Variants in TSTD2 observed in about 807,000 individuals in gnomAD.
TSTD2 encodes the protein thiosulfate sulfurtransferase/rhodanese-like domain-containing protein 2.
A neutral mutation model predicts 47.9 loss-of-function variants in TSTD2; 37 were observed. The observed-to-expected ratio is 0.77, with a 90% CI of 0.59 to 1.02. The LOEUF is 1.02. Among genes scored for constraint, TSTD2 ranks in the 50% least tolerant of loss-of-function variants. The pLI is 0.00. For missense variants in TSTD2, 586 were observed against 616.0 expected (o/e 0.95, Z 0.52); for synonymous variants, 201 against 215.9 (o/e 0.93, Z 0.61).
intron 1 of TSTD2, among the ~76,000 whole-genome samples, chr9:97,631,572 AAAT>A (rs1826812939): frequency 6.6e-6 from 1 of 152,232 alleles, no homozygotes; most frequent in African/African-American, 2.4e-5. Flanking sequence ...ACTATTAAAA[AAAT>A]AAGTCAGACT....
intron 2 of TSTD2, among the ~76,000 whole-genome samples, chr9:97,626,948 T>A (rs1053505597): frequency 6.6e-6 from 1 of 152,136 alleles, no homozygotes; most frequent in African/African-American, 2.4e-5. Flanking sequence ...TATTTTTGAT[T>A]AGTAGTAATG....
At chr9:97,611,442 G>T in intron 5 of TSTD2, 132 bp downstream of exon 5, 2 of 1,092,492 alleles carry the variant, frequency 1.8e-6, no homozygotes, top group Non-Finnish European at 2.5e-6. Flanking sequence ...AACTCCCCAA[G>T]CCCCAAAAAA....
At chr9:97,603,282 C>T (rs934326231) in intron 9 of TSTD2, 1 of 158,574 alleles carries the variant, frequency 6.3e-6, no homozygotes, top group African/African-American at 2.4e-5. Flanking sequence ...AAAACTCACA[C>T]CATCTTCTTC....
In TSTD2 at chr9:97,600,551, T is replaced by C. The variant is rs895593244; in HGVS notation, c.*1918A>G. 5 of 985,772 alleles carry C rather than the reference T, an allele frequency of 5.1e-6. No individual in the cohort carries two copies. The highest frequency in any genetic ancestry group is 2.3e-4 in the East Asian group (2 of 8,824). 61.1% of individuals were successfully genotyped at this position (985,772 alleles called of 1,614,324 possible). On this transcript the variant is annotated 3_prime_UTR_variant, in exon 10 of 10. Transcript: ENST00000341170. Reference sequence around the variant, plus strand: ...TATATTGCACAGTGGGCAAATGGCTTATGTGAGGTAAGACACTAGAGGGAT... The same window carrying C: ...TATATTGCACAGTGGGCAAATGGCTCATGTGAGGTAAGACACTAGAGGGAT...
At chr9:97,615,380 C>T (rs1242737844) in intron 4 of TSTD2, among the ~76,000 whole-genome samples, 1 of 152,188 alleles carries the variant, frequency 6.6e-6, no homozygotes, top group African/African-American at 2.4e-5. Context: ...AGTAACTTGC[C>T]CAGTGGTATA....
chr9:97,607,285 G>A (rs1294334919), intron 6 of TSTD2, among the ~76,000 whole-genome samples: 1 of 152,190 alleles, frequency 6.6e-6, no homozygotes, highest in South Asian at 2.1e-4. Flanking sequence ...AATCTCAGTA[G>A]ATTGTGAGGA....
intron 1 of TSTD2, among the ~76,000 whole-genome samples, chr9:97,627,831 CT>C (rs1272763231): frequency 6.6e-6 from 1 of 152,188 alleles, no homozygotes; most frequent in African/African-American, 2.4e-5. Flanking sequence ...AAGTTTCTGC[CT>C]GCTTAGAGTT....
At chr9:97,619,030 G>A (rs1382800022) in intron 3 of TSTD2, among the ~76,000 whole-genome samples, 1 of 152,212 alleles carries the variant, frequency 6.6e-6, no homozygotes, top group Non-Finnish European at 1.5e-5. Context: ...GAAGTGTGGG[G>A]CCATATGAAA....
chr9:97,631,780 G>A (rs1193528272), intron 1 of TSTD2, among the ~76,000 whole-genome samples: 2 of 152,014 alleles, frequency 1.3e-5, no homozygotes, highest in Admixed American at 6.6e-5. Context: ...AAAGGCAGAG[G>A]TTACAACGAG....
At chr9:97,610,539 T>C (rs1477949554) in intron 5 of TSTD2, 88 bp from the exon 6 acceptor site, 1 of 986,436 alleles carries the variant, frequency 1.0e-6, no homozygotes, top group Non-Finnish European at 1.4e-6. Context: ...GATGGTCTGT[T>C]TTGTAATAAC....
In TSTD2 at chr9:97,601,631, A is replaced by AT. The variant is rs1826262720; in HGVS notation, c.*837dup. On this transcript the variant is annotated 3_prime_UTR_variant, in exon 10 of 10. Transcript: ENST00000341170. Reference sequence around the variant, plus strand: ...TTCTGTAAAAGGCCAGACAGTAAAAATTTCCGATTTTGCAGGCCACATAGT... The same window carrying AT: ...TTCTGTAAAAGGCCAGACAGTAAAAATTTTCCGATTTTGCAGGCCACATAGT... 6.1e-6 allele frequency: 6 copies of AT among 983,754 alleles called. No homozygotes were observed. The South Asian group carries it at 1.9e-4, about 31-fold the overall frequency. The allele number at this position is 983,754 out of a possible 1,614,324, so 60.9% of individuals were successfully genotyped here. A position where few individuals can be genotyped will look rare whatever the true frequency, so the allele number is the denominator to read the frequency against.
chr9:97,632,796 G>T (rs935689595), intron 1 of TSTD2, among the ~76,000 whole-genome samples: 3 of 152,180 alleles, frequency 2.0e-5, no homozygotes, highest in Non-Finnish European at 2.9e-5. Context: ...AGGGAAAAGA[G>T]CTAAGAAAGA....
rs1826288103 is a variant in TSTD2, at chr9:97,602,771, G to A, written c.1253-4C>T. 6.3e-7 allele frequency: 1 copy of A among 1,597,080 alleles called. No individual in the cohort carries two copies. The highest frequency in any genetic ancestry group is 8.5e-7 in the Non-Finnish European group (1 of 1,169,834). ...CGGGCTCCACAGTATGAACACTCTGGGGAGGAAGGAAAAGCCATCATTATA... is the reference window on the plus strand; with the variant it reads ...CGGGCTCCACAGTATGAACACTCTGAGGAGGAAGGAAAAGCCATCATTATA... On this transcript the variant is annotated splice_region_variant and splice_polypyrimidine_tract_variant and intron_variant, in intron 9 of 9. Transcript: ENST00000341170.
At chr9:97,620,957 G>T (rs547630884) in intron 3 of TSTD2, among the ~76,000 whole-genome samples, 3 of 152,316 alleles carry the variant, frequency 2.0e-5, no homozygotes, top group East Asian at 1.9e-4. Context: ...CATGAGTAAT[G>T]TGGAGCCAAA....
Position 97,600,427 on chromosome 9 carries a change from G to A in TSTD2, c.*2042C>T. On this transcript the variant is annotated 3_prime_UTR_variant, in exon 10 of 10. Coordinates refer to ENST00000341170, the MANE Select transcript of TSTD2 (RefSeq NM_139246.5). ...TTCTTTAAGAACATTTGGGATTTAT[G>A]TACAATTTAATACTGGAGTTAGAAC... The A allele has an allele frequency of 2.0e-6, 2 of 985,746 alleles. No individual in the cohort carries two copies. The highest frequency in any genetic ancestry group is 9.4e-5 in the South Asian group (2 of 21,306). The allele number at this position is 985,746 out of a possible 1,614,324, so 61.1% of individuals were successfully genotyped here. A position where few individuals can be genotyped will look rare whatever the true frequency, so the allele number is the denominator to read the frequency against.
intron 3 of TSTD2, among the ~76,000 whole-genome samples, chr9:97,621,346 C>T (rs1317917647): frequency 6.6e-6 from 1 of 151,696 alleles, no homozygotes; most frequent in Admixed American, 6.6e-5. Flanking sequence ...GTTAATTGCA[C>T]AAACTGTTTG....
chr9:97,630,386 T>C (rs904787744), intron 1 of TSTD2, among the ~76,000 whole-genome samples: 1 of 152,210 alleles, frequency 6.6e-6, no homozygotes, highest in South Asian at 2.1e-4. Flanking sequence ...GCCGGGCCCA[T>C]GGAATAGTCC....
rs569143375 is a variant in TSTD2, at chr9:97,621,470, C to T, written c.483-3593G>A. Among the ~76,000 whole-genome samples, 28 of 152,184 alleles carry T rather than the reference C, an allele frequency of 1.8e-4. No individual in the cohort carries two copies. The South Asian group carries it at 2.5e-3, about 14-fold the overall frequency. On this transcript the variant is annotated intron_variant, in intron 3 of 9. Transcript: ENST00000341170. ...TATAAGGTCTGACTGCCTGCGGGGCCGGGCAGAACAGAGTCATATTTTTCT... is the reference window on the plus strand; with the variant it reads ...TATAAGGTCTGACTGCCTGCGGGGCTGGGCAGAACAGAGTCATATTTTTCT...
intron 6 of TSTD2, among the ~76,000 whole-genome samples, chr9:97,607,130 TACTCC>T (rs901336432): frequency 6.6e-6 from 1 of 152,152 alleles, no homozygotes; most frequent in Middle Eastern, 3.2e-3. Flanking sequence ...CACACCACTG[TACTCC>T]AGCCTGGGCA....
Sources: allele counts gnomAD v4.1 joint callset (sites outside exome capture counted in the v4.1 genomes callset), GRCh38; gene constraint gnomAD v4.1.1; transcripts MANE v1.5; gene names NCBI Gene and HGNC (gene_info 2026-07-23, HGNC 2026-07-21).